ANK2: variants seen among roughly 807,000 people sequenced by gnomAD.
ANK2 encodes ankyrin 2, also known as ankyrin-2.
Under a neutral mutation model 360.5 loss-of-function variants are expected in ANK2, and 83 were observed. The ratio of observed to expected loss-of-function variants is 0.23; its 90% CI spans 0.19 to 0.28. ANK2 has a LOEUF of 0.28. ANK2 is among the 10% of genes least tolerant of loss of function. ANK2 has a pLI of 1.00. For missense variants in ANK2, 4,201 were observed against 4,795.7 expected, an observed-to-expected ratio of 0.88 and a Z score of 3.66; for synonymous variants, 1,740 against 1,759.5, an observed-to-expected ratio of 0.99 and a Z score of 0.28.
intron 2 of ANK2, among the ~76,000 whole-genome samples, chr4:113,043,118 G>T (rs1215969019): frequency 1.3e-5 from 2 of 152,098 alleles, no homozygotes; most frequent in Non-Finnish European, 2.9e-5. Context: ...ATTTAGAGGA[G>T]AAAGACATAG....
In ANK2 at chr4:113,357,276, A is replaced by G. The variant is rs149433267; in HGVS notation, c.8658A>G (p.Leu2886=). The change falls in exon 38 of 46, where the codon TTA becomes TTG. Residue 2886 remains leucine, a synonymous_variant. Coordinates refer to ENST00000357077, the MANE Select transcript of ANK2 (RefSeq NM_001148.6). The part of the protein sequence containing the change: ...VTKTDETFEN[L]PKDCPSQDSS... ...AAACTGATGAAACATTTGAGAACTT[A>G]CCAAAGGACTGCCCCTCTCAAGACT... 2.2e-4 allele frequency: 350 copies of G among 1,614,076 alleles called. 1 individual carries two copies. The African/African-American group carries it at 4.0e-3, about 19-fold the overall frequency.
chr4:112,784,872 A>G, the ANK2 span, among the ~76,000 whole-genome samples: 49 of 152,322 alleles, frequency 3.2e-4, no homozygotes, highest in African/African-American at 1.0e-3. Flanking sequence ...AAAGATTCTC[A>G]TTTGGTCTTA....
chr4:113,347,646 C>T (rs969021691), intron 35 of ANK2: 1 of 152,644 alleles, frequency 6.6e-6, no homozygotes, highest in Admixed American at 6.5e-5. Context: ...AAATCCCAGA[C>T]ATTGTACATT....
chr4:113,017,871 A>G (rs190637942), intron 2 of ANK2, among the ~76,000 whole-genome samples: 81 of 152,310 alleles, frequency 5.3e-4, no homozygotes, highest in Admixed American at 1.8e-3. Flanking sequence ...TTAGTGTCAA[A>G]TAACCCATCA....
At chr4:113,332,960 A>T in intron 28 of ANK2, 94 bp from the exon 29 acceptor site, 1 of 1,579,562 alleles carries the variant, frequency 6.3e-7, no homozygotes, top group Non-Finnish European at 8.7e-7. Context: ...CCAGCAAAAG[A>T]AGAATTCCAG....
chr4:113,214,531 G>A, intron 4 of ANK2: 3 of 576,080 alleles, frequency 5.2e-6, no homozygotes, highest in Non-Finnish European at 9.2e-6. Flanking sequence ...TTAAGAGCCT[G>A]TTGCTTATAA....
chr4:113,240,401 C>A, intron 7 of ANK2, 84 bp from the exon 8 acceptor site: 1 of 1,013,036 alleles, frequency 9.9e-7, no homozygotes, highest in South Asian at 1.3e-5. Flanking sequence ...TAGACTTTTA[C>A]CATGTGACCT....
chr4:113,002,959 G>A (rs978678978), intron 2 of ANK2, among the ~76,000 whole-genome samples: 4 of 152,152 alleles, frequency 2.6e-5, no homozygotes, highest in African/African-American at 9.7e-5. Context: ...TGTCTCTTGG[G>A]AGACACTTAT....
intron 42 of ANK2, among the ~76,000 whole-genome samples, 176 bp from the exon 43 acceptor site, chr4:113,369,338 T>TA (rs1466774937): frequency 6.6e-6 from 1 of 152,236 alleles, no homozygotes; most frequent in Admixed American, 6.5e-5. Context: ...GCTACAACTC[T>TA]ATATCTTGTC....
At chr4:112,874,614 C>T (rs2074394238) in intron 1 of ANK2, among the ~76,000 whole-genome samples, 1 of 130,282 alleles carries the variant, frequency 7.7e-6, no homozygotes, top group Non-Finnish European at 1.5e-5. Flanking sequence ...TGCACTCCAG[C>T]TGGGTGCGAC....
At chr4:113,340,646 G>A (rs183150457) in intron 32 of ANK2, among the ~76,000 whole-genome samples, 67 of 152,254 alleles carry the variant, frequency 4.4e-4, no homozygotes, top group Non-Finnish European at 7.2e-4. Context: ...GCAGTGAGCC[G>A]TGATTGCGTC....
At chr4:112,990,074 C>T (rs1300618436) in intron 2 of ANK2, among the ~76,000 whole-genome samples, 3 of 151,922 alleles carry the variant, frequency 2.0e-5, no homozygotes, top group Non-Finnish European at 4.4e-5. Context: ...AGTTCAAGAC[C>T]AGCCTGAGAA....
rs1262046986 is a variant in ANK2, at chr4:113,317,776, G to A, written c.2763G>A (p.Val921=). 2 of 1,614,104 alleles carry A rather than the reference G, an allele frequency of 1.2e-6. No homozygotes were observed. The highest frequency in any genetic ancestry group is 1.7e-6 in the Non-Finnish European group (2 of 1,179,976). Reference sequence around the variant, plus strand: ...CCTCCTACCTGAGGGACAGTGCCGTGATGGATGACTCAGTTGTGATTCCCA... The same window carrying A: ...CCTCCTACCTGAGGGACAGTGCCGTAATGGATGACTCAGTTGTGATTCCCA... ...SHASYLRDSA[V]MDDSVVIPSH... The change falls in exon 25 of 46, where the codon GTG becomes GTA. Residue 921 remains valine (V), a synonymous_variant. Coordinates refer to ENST00000357077, the MANE Select transcript of ANK2 (RefSeq NM_001148.6).
intron 9 of ANK2, among the ~76,000 whole-genome samples, chr4:113,249,561 CT>C (rs2044968468): frequency 6.6e-6 from 1 of 152,158 alleles, no homozygotes; most frequent in Non-Finnish European, 1.5e-5. Context: ...TTCCCTTTCT[CT>C]TTCTTGTTCT....
chr4:113,084,635 G>A (rs1206175969), intron 1 of ANK2, among the ~76,000 whole-genome samples: 2 of 152,130 alleles, frequency 1.3e-5, no homozygotes, highest in African/African-American at 2.4e-5. Flanking sequence ...AAGGGTAAAA[G>A]GGGAGAAACT....
At chr4:113,072,434 A>G (rs2077934783) in intron 1 of ANK2, among the ~76,000 whole-genome samples, 1 of 152,210 alleles carries the variant, frequency 6.6e-6, no homozygotes, top group Non-Finnish European at 1.5e-5. Context: ...AGAGAGGGGC[A>G]ATGTTTTTTG....
chr4:112,793,979 G>A, the ANK2 span, among the ~76,000 whole-genome samples: 8 of 152,114 alleles, frequency 5.3e-5, no homozygotes, highest in Non-Finnish European at 8.8e-5. Flanking sequence ...TTACAGGCGT[G>A]AGCCACTGTG....
chr4:112,951,339 A>G (rs190044483), intron 2 of ANK2, among the ~76,000 whole-genome samples: 13 of 152,314 alleles, frequency 8.5e-5, no homozygotes, highest in East Asian at 7.7e-4. Context: ...GTTTATTGAC[A>G]TAAAAAGGTA....
At chr4:113,265,161 C>T (rs887338266) in intron 14 of ANK2, among the ~76,000 whole-genome samples, 166 bp downstream of exon 14, 4 of 151,978 alleles carry the variant, frequency 2.6e-5, no homozygotes, top group African/African-American at 9.7e-5. Flanking sequence ...ATTATTTAAG[C>T]AATTACACAC....
Sources: gnomAD v4.1 joint callset for allele counts (sites outside exome capture counted in the v4.1 genomes callset) on GRCh38, gnomAD v4.1.1 for gene constraint, MANE v1.5 for transcripts, NCBI Gene and HGNC (gene_info 2026-07-23, HGNC 2026-07-21) for gene names.